The following ARL2BP variants were observed in gnomAD, a reference collection of about 807,000 sequenced individuals.
ARL2BP encodes the protein ARF like GTPase 2 binding protein, also known as ADP-ribosylation factor-like protein 2-binding protein.
Under a neutral mutation model 24.2 loss-of-function variants are expected in ARL2BP, and 19 were observed. That is an observed-to-expected ratio of 0.79 (90% confidence interval 0.55 to 1.15). ARL2BP has a LOEUF of 1.15. Ranked by LOEUF, ARL2BP falls within the 50% of genes most tolerant of loss-of-function variation. ARL2BP has a pLI of 0.00. For synonymous variants in ARL2BP, 56 were observed against 70.5 expected, an observed-to-expected ratio of 0.79 and a Z score of 1.03; for missense variants, 160 against 190.4, an observed-to-expected ratio of 0.84 and a Z score of 0.94.
chr16:57,252,152 G>A lies in ARL2BP; in HGVS notation c.391-14G>A, dbSNP rs767412126. ...GCTCTTTCTAGTCCTTCCTTTGGTT[G>A]TTTTCTCATATAGGAAAAAGAAGGC... On this transcript the variant is annotated splice_polypyrimidine_tract_variant and intron_variant, in intron 5 of 5. Transcript: ENST00000219204. 8.7e-6 allele frequency: 14 copies of A among 1,612,492 alleles called. No homozygotes were observed. In the South Asian group the frequency reaches 1.5e-4, roughly 18 times the overall value.
rs1597954808 is a variant in ARL2BP at position 57,252,582 on chromosome 16, A to C, written c.*315A>C. 2.6e-6 allele frequency: 1 copy of C among 387,954 alleles called. No homozygotes were observed. The highest frequency in any genetic ancestry group is 4.8e-6 in the Non-Finnish European group (1 of 207,578). The allele number at this position is 387,954 out of a possible 1,614,324, so 24.0% of individuals were successfully genotyped here. ...CACCTGGGGGGCCCTTCCCCAGCAT[A>C]CCTGCTGGTGTGTAAGTGTGGACTA... On this transcript the variant is annotated 3_prime_UTR_variant, in exon 6 of 6. Coordinates refer to ENST00000219204, the MANE Select transcript of ARL2BP (RefSeq NM_012106.4).
At chr16:57,248,329 AAAAAAAAG>A in intron 2 of ARL2BP, 200 bp from the exon 3 acceptor site, 1 of 226,046 alleles carries the variant, frequency 4.4e-6, no homozygotes, top group South Asian at 1.4e-4. Flanking sequence ...AAAAAAAAAA[AAAAAAAAG>A]AAAGAAAGAA....
intron 2 of ARL2BP, chr16:57,247,279 A>T (rs1597952156): frequency 6.6e-6 from 1 of 152,298 alleles, no homozygotes; most frequent in Middle Eastern, 3.4e-3. Context: ...ATTATACCCT[A>T]TATGCTATGG....
intron 4 of ARL2BP, 106 bp downstream of exon 4, chr16:57,249,958 T>A: frequency 9.5e-7 from 1 of 1,053,738 alleles, no homozygotes; most frequent in Admixed American, 1.8e-5. Flanking sequence ...GTGCATGCCG[T>A]TGGTGGTTAG....
Position 57,248,542 on chromosome 16 carries a change from G to A in ARL2BP, c.106G>A (p.Glu36Lys), listed in dbSNP as rs753452835. 2.8e-5 allele frequency: 45 copies of A among 1,592,390 alleles called. No homozygotes were observed. Among genetic ancestry groups the A allele is most frequent in the African/African-American group, 1.1e-4 (8 of 73,872 alleles). ...TTTTCCCCACTGTGGTTCAGATGAC[G>A]AGTTCCAGTTATTACAGAGAAATTT... ...GYLEDIIMDDEFQLLQRNFMD... is the reference protein window; with the variant it reads ...GYLEDIIMDDKFQLLQRNFMD... Residue 36 changes from glutamate to lysine, a missense_variant, in exon 3 of 6, where the codon GAG becomes AAG. Transcript: ENST00000219204.
intron 2 of ARL2BP, among the ~76,000 whole-genome samples, chr16:57,246,799 G>A (rs2075391924): frequency 6.6e-6 from 1 of 152,136 alleles, no homozygotes; most frequent in African/African-American, 2.4e-5. Context: ...GCGAGACTCC[G>A]TCTGGAAAAA....
In ARL2BP at chr16:57,245,354, T is replaced by C. The variant is rs762046067; in HGVS notation, c.-14T>C. 5.0e-5 allele frequency: 81 copies of C among 1,604,460 alleles called. No homozygotes were observed. The highest frequency in any genetic ancestry group is 6.6e-5 in the Non-Finnish European group (78 of 1,176,620). ...GGCCGCGGGCGGGGTTGGAGCCTAC[T>C]CGGGGCGACTGCGATGGACGCCTTA... On this transcript the variant is annotated 5_prime_UTR_variant, in exon 1 of 6. Coordinates refer to ENST00000219204, the MANE Select transcript of ARL2BP (RefSeq NM_012106.4).
rs2146425775 is a variant in ARL2BP at position 57,246,140 on chromosome 16, G to A, written c.99G>A (p.Met33Ile). Residue 33 changes from methionine to isoleucine, a missense_variant and splice_region_variant, in exon 2 of 6, where the codon ATG (methionine) becomes ATA (isoleucine). By Grantham distance (10) the Met-to-Ile change is conservative. Coordinates refer to ENST00000219204, the MANE Select transcript of ARL2BP (RefSeq NM_012106.4). ...AVVGYLEDII[M>I]DDEFQLLQRN... is the part of the protein sequence containing the mutation. ...TTGGATATTTAGAGGACATTATCAT[G>A]GGTAAGCTTTTAAGATACTGTTTTT... The A allele has an allele frequency of 1.2e-6, 2 of 1,613,700 alleles. No homozygotes were observed. Among genetic ancestry groups the A allele is most frequent in the Non-Finnish European group, 1.7e-6 (2 of 1,179,694 alleles).
In ARL2BP at chr16:57,253,381, G is replaced by A. The variant is rs1296295732; in HGVS notation, c.*1114G>A. The A allele has an allele frequency of 6.6e-6, 1 of 152,152 alleles. No individual in the cohort carries two copies. Among genetic ancestry groups the A allele is most frequent in the African/African-American group, 2.4e-5 (1 of 41,446 alleles). The allele number at this position is 152,152 out of a possible 1,614,324, so 9.4% of individuals were successfully genotyped here. A position where few individuals can be genotyped will look rare whatever the true frequency, so the allele number is the denominator to read the frequency against. ...ATGCTTTGGTTTAGTGCAATGTGTG[G>A]TAGATTACTTATCAGAAAACATATA... On this transcript the variant is annotated 3_prime_UTR_variant, in exon 6 of 6. Transcript: ENST00000219204.
At position 57,252,219 on chromosome 16, in the gene ARL2BP, G is replaced by A. The variant is rs752887700; in HGVS notation, c.444G>A (p.Leu148=). 1 of 1,614,146 alleles carries A rather than the reference G, an allele frequency of 6.2e-7. No homozygotes were observed. The highest frequency in any genetic ancestry group is 1.7e-5 in the Admixed American group (1 of 60,014). Reference sequence around the variant, plus strand: ...GCAGTGGCTTAGTGGTGACTTCATTGTGCAAATCATCTTCTCTGCCAGCTT... The same window carrying A: ...GCAGTGGCTTAGTGGTGACTTCATTATGCAAATCATCTTCTCTGCCAGCTT... The part of the protein sequence containing the change: ...DLSSGLVVTS[L]CKSSSLPASQ... Residue 148 remains leucine (L), a synonymous_variant, in exon 6 of 6, where the codon TTG becomes TTA. Coordinates refer to ENST00000219204, the MANE Select transcript of ARL2BP (RefSeq NM_012106.4).
Position 57,246,071 on chromosome 16 carries a change from G to A in ARL2BP, c.39-9G>A, listed in dbSNP as rs1202007031. ...TTGAAATAGCACCTAATCCAGGCAT[G>A]TTTTTCAGCTCCTCCGCCTCTGATG... On this transcript the variant is annotated splice_polypyrimidine_tract_variant and intron_variant, in intron 1 of 5. Transcript: ENST00000219204. 2 of 1,613,750 alleles carry A rather than the reference G, an allele frequency of 1.2e-6. No homozygotes were observed. The highest frequency in any genetic ancestry group is 1.7e-6 in the Non-Finnish European group (2 of 1,179,918).
intron 4 of ARL2BP, 90 bp from the exon 5 acceptor site, chr16:57,250,315 GGGGGGT>G: frequency 9.4e-7 from 1 of 1,069,380 alleles, no homozygotes. Flanking sequence ...AAAATAATGC[GGGGGGT>G]GGGGCTGGGG....
Position 57,252,596 on chromosome 16 carries a change from A to G in ARL2BP, c.*329A>G. On this transcript the variant is annotated 3_prime_UTR_variant, in exon 6 of 6. Coordinates refer to ENST00000219204, the MANE Select transcript of ARL2BP (RefSeq NM_012106.4). The stretch of plus-strand genomic sequence containing the variant: ...TTCCCCAGCATACCTGCTGGTGTGT[A>G]AGTGTGGACTAACCCGCCGCCACCA... The G allele has an allele frequency of 2.8e-6, 1 of 356,366 alleles. No homozygotes were observed. The allele number at this position is 356,366 out of a possible 1,614,324, so 22.1% of individuals were successfully genotyped here. A position where few individuals can be genotyped will look rare whatever the true frequency, so the allele number is the denominator to read the frequency against.
chr16:57,245,504 G>T, intron 1 of ARL2BP, 99 bp downstream of exon 1: 1 of 1,467,966 alleles, frequency 6.8e-7, no homozygotes, highest in South Asian at 1.2e-5. Flanking sequence ...TAGGGGCCGG[G>T]CCGGGCCGGG....
At chr16:57,250,150 T>G in intron 4 of ARL2BP, 1 of 594,264 alleles carries the variant, frequency 1.7e-6, no homozygotes, top group Non-Finnish European at 3.0e-6. Flanking sequence ...ATTAGTCAGG[T>G]GTGGTGTTGC....
intron 3 of ARL2BP, 151 bp downstream of exon 3, chr16:57,248,794 C>T: frequency 2.1e-6 from 1 of 466,912 alleles, no homozygotes; most frequent in Non-Finnish European, 3.8e-6. Flanking sequence ...AGTTCATTTT[C>T]CTCTGCACAG....
chr16:57,248,489 G>A (rs760843664), intron 2 of ARL2BP, 48 bp from the exon 3 acceptor site: 8 of 1,144,702 alleles, frequency 7.0e-6, no homozygotes, highest in African/African-American at 4.6e-5. Context: ...AATCATAATG[G>A]TTGGTAATCT....
At chr16:57,251,875 G>C in intron 5 of ARL2BP, 1 of 329,266 alleles carries the variant, frequency 3.0e-6, no homozygotes. Context: ...TGAGGCAGGA[G>C]GACCACTTGA....
intron 5 of ARL2BP, chr16:57,250,781 ATTT>A: frequency 3.0e-6 from 1 of 335,690 alleles, no homozygotes; most frequent in Non-Finnish European, 5.4e-6. Context: ...TCTTTTATTT[ATTT>A]TTTTTTTTGA....
Sources: gnomAD v4.1 joint callset for allele counts (sites outside exome capture counted in the v4.1 genomes callset) on GRCh38, gnomAD v4.1.1 for gene constraint, MANE v1.5 for transcripts, NCBI Gene and HGNC (gene_info 2026-07-23, HGNC 2026-07-21) for gene names.